Variants in ALDH1A2 observed in about 807,000 individuals in gnomAD.
ALDH1A2 encodes retinal dehydrogenase 2.
Under a neutral mutation model 60.3 loss-of-function variants are expected in ALDH1A2, and 27 were observed. The observed-to-expected ratio is 0.45, with a 90% confidence interval of 0.33 to 0.62. The LOEUF is 0.62. ALDH1A2 is among the 20% of genes least tolerant of loss of function. The pLI is 0.02. For synonymous variants in ALDH1A2, 289 were observed against 232.4 expected, an observed-to-expected ratio of 1.24 and a Z score of -2.21; for missense variants, 581 against 643.8, an observed-to-expected ratio of 0.90 and a Z score of 1.06.
At chr15:58,056,931 G>A (rs1186350242) in intron 1 of ALDH1A2, among the ~76,000 whole-genome samples, 5 of 152,206 alleles carry the variant, frequency 3.3e-5, no homozygotes, top group African/African-American at 2.4e-5. Context: ...ACACACTGCT[G>A]GTGGGATATA....
intron 7 of ALDH1A2, among the ~76,000 whole-genome samples, chr15:57,968,635 C>G (rs1419380445): frequency 1.3e-5 from 2 of 152,220 alleles, no homozygotes; most frequent in Non-Finnish European, 2.9e-5. Flanking sequence ...AGTTACAAAA[C>G]TTAGATTCTG....
At chr15:58,025,212 T>C (rs1483127016) in intron 1 of ALDH1A2, among the ~76,000 whole-genome samples, 9 of 151,910 alleles carry the variant, frequency 5.9e-5, no homozygotes, top group Non-Finnish European at 1.5e-5. Flanking sequence ...AAACAGAGAC[T>C]AAAAAGAATA....
chr15:58,010,241 A>G (rs1023082727), intron 4 of ALDH1A2, among the ~76,000 whole-genome samples: 2 of 152,274 alleles, frequency 1.3e-5, no homozygotes, highest in African/African-American at 4.8e-5. Flanking sequence ...AACACTTAGA[A>G]TATTTCCTTC....
rs761779167 is a variant in ALDH1A2 at position 57,955,220 on chromosome 15, T to G, written c.1534A>C (p.Lys512Gln). ...TCTTAGGAGTTCTTCTGGGGGATCT[T>G]TACTGTCACCGTCTTAACTTCTGAG... ...EYSEVKTVTV[K>Q]IPQKNS The change falls in exon 13 of 13, where the codon AAG (lysine) becomes CAG (glutamine). Residue 512 changes from lysine to glutamine, a missense_variant. Physicochemically the swap from Lys to Gln is moderately conservative, Grantham distance 53. This residue lies in a region of ALDH1A2 where 375 missense variants were observed against 469.7 expected (regional missense o/e 0.80). Coordinates refer to ENST00000249750, the MANE Select transcript of ALDH1A2 (RefSeq NM_003888.4). 1 of 1,614,160 alleles carries G rather than the reference T, an allele frequency of 6.2e-7. No homozygotes were observed. Among genetic ancestry groups the G allele is most frequent in the Non-Finnish European group, 8.5e-7 (1 of 1,180,022 alleles).
At position 58,033,763 on chromosome 15, in the gene ALDH1A2, G is replaced by A. The variant is rs573530199; in HGVS notation, c.118-19482C>T. Among the ~76,000 whole-genome samples the A allele has an allele frequency of 7.4e-4, 110 of 147,830 alleles. 3 individuals carry two copies. The highest frequency in any genetic ancestry group is 3.0e-5 in the Non-Finnish European group (2 of 66,964). On this transcript the variant is annotated intron_variant, in intron 1 of 12. Coordinates refer to ENST00000249750, the MANE Select transcript of ALDH1A2 (RefSeq NM_003888.4). Reference sequence around the variant, plus strand: ...AAAGACAATCCTTTCTCCACTATGTGCTTTTGCTCCTTTATCAGGGATCAG... The same window carrying A: ...AAAGACAATCCTTTCTCCACTATGTACTTTTGCTCCTTTATCAGGGATCAG...
chr15:57,988,676 C>T (rs1451916440), intron 7 of ALDH1A2, among the ~76,000 whole-genome samples: 2 of 152,154 alleles, frequency 1.3e-5, no homozygotes, highest in Non-Finnish European at 2.9e-5. Context: ...ATACATGGTA[C>T]TTAAATGGGT....
chr15:57,979,440 A>G (rs1228457879), intron 7 of ALDH1A2, among the ~76,000 whole-genome samples: 1 of 152,204 alleles, frequency 6.6e-6, no homozygotes, highest in East Asian at 1.9e-4. Context: ...TCCCCGGCAC[A>G]GCTCTGCTGG....
chr15:58,044,888 T>C (rs746126290), intron 1 of ALDH1A2, among the ~76,000 whole-genome samples: 1 of 151,906 alleles, frequency 6.6e-6, no homozygotes, highest in Admixed American at 6.6e-5. Flanking sequence ...TACAATTTCA[T>C]GGCAACAAAG....
chr15:58,010,458 A>G (rs1306560879), intron 4 of ALDH1A2, among the ~76,000 whole-genome samples, 191 bp downstream of exon 4: 3 of 152,160 alleles, frequency 2.0e-5, no homozygotes, highest in African/African-American at 2.4e-5. Context: ...CTGTACTTAT[A>G]TATTTCTATC....
At chr15:57,977,096 G>GT (rs35805904) in intron 7 of ALDH1A2, among the ~76,000 whole-genome samples, 3,246 of 145,596 alleles carry the variant, frequency 0.022, 72 homozygotes, top group African/African-American at 0.054. Context: ...ACTTTTCGAT[G>GT]TTTTTTTTTT....
chr15:57,956,436 G>C (rs1024281350), intron 12 of ALDH1A2, among the ~76,000 whole-genome samples: 5 of 152,232 alleles, frequency 3.3e-5, no homozygotes, highest in Non-Finnish European at 7.3e-5. Context: ...GATTCATTCA[G>C]GTTCCTTTTA....
At chr15:58,012,421 A>G (rs1456980350) in intron 3 of ALDH1A2, among the ~76,000 whole-genome samples, 1 of 152,166 alleles carries the variant, frequency 6.6e-6, no homozygotes, top group African/African-American at 2.4e-5. Flanking sequence ...AAAGACAAGT[A>G]ATGTGTCCCA....
chr15:57,991,840 C>T (rs1357253213), intron 7 of ALDH1A2, among the ~76,000 whole-genome samples: 6 of 152,098 alleles, frequency 3.9e-5, no homozygotes, highest in African/African-American at 7.2e-5. Context: ...ATGATGATAT[C>T]ATCTGTGAGG....
intron 1 of ALDH1A2, among the ~76,000 whole-genome samples, chr15:58,027,483 C>A (rs1482816589): frequency 6.6e-6 from 1 of 152,088 alleles, no homozygotes; most frequent in African/African-American, 2.4e-5. Flanking sequence ...AACCAGAGCA[C>A]CTCTTCTTCT....
intron 1 of ALDH1A2, among the ~76,000 whole-genome samples, chr15:58,047,881 C>T (rs1484511075): frequency 6.6e-6 from 1 of 151,950 alleles, no homozygotes; most frequent in Non-Finnish European, 1.5e-5. Context: ...TGATTGATTG[C>T]ATTTTTCACT....
intron 9 of ALDH1A2, among the ~76,000 whole-genome samples, chr15:57,963,678 T>C (rs575378111): frequency 3.9e-5 from 6 of 152,200 alleles, no homozygotes; most frequent in African/African-American, 1.2e-4. Context: ...CCCATAGTTT[T>C]TCAGAGATAA....
intron 3 of ALDH1A2, chr15:58,012,196 T>C (rs1895652274): frequency 6.6e-6 from 1 of 152,154 alleles, no homozygotes; most frequent in Non-Finnish European, 1.5e-5. Flanking sequence ...TTGAGTTTTA[T>C]TATATGAAAA....
chr15:58,045,771 G>A (rs1174163171), intron 1 of ALDH1A2, among the ~76,000 whole-genome samples: 2 of 151,766 alleles, frequency 1.3e-5, no homozygotes, highest in East Asian at 3.9e-4. Context: ...TATGGTACGT[G>A]TATACCTATG....
intron 1 of ALDH1A2, among the ~76,000 whole-genome samples, chr15:58,056,430 A>T (rs1188100404): frequency 6.6e-6 from 1 of 152,100 alleles, no homozygotes; most frequent in African/African-American, 2.4e-5. Flanking sequence ...TGCATAAGCA[A>T]TGACCAATTC....
Sources: allele counts gnomAD v4.1 joint callset (sites outside exome capture counted in the v4.1 genomes callset), GRCh38; gene constraint gnomAD v4.1.1; regional missense constraint gnomAD v4.1.1; transcripts MANE v1.5; gene names NCBI Gene and HGNC (gene_info 2026-07-23, HGNC 2026-07-21).